The following KYAT1 variants were observed in gnomAD, a reference collection of about 807,000 sequenced individuals.
The protein encoded by KYAT1 is kynurenine--oxoglutarate transaminase 1.
Under a neutral mutation model 52.4 loss-of-function variants are expected in KYAT1, and 47 were observed. That is an observed-to-expected ratio of 0.90 (90% CI 0.71 to 1.14). KYAT1 has a LOEUF of 1.14. Among genes scored for constraint, KYAT1 ranks in the 50% most tolerant of loss-of-function variants. The pLI is 0.00. For synonymous variants in KYAT1, 212 were observed against 209.6 expected (o/e 1.01, Z -0.10); for missense variants, 480 against 557.9 (o/e 0.86, Z 1.41).
At position 128,846,073 on chromosome 9, in the gene KYAT1, C is replaced by T. The variant is rs143138283; in HGVS notation, c.-6-662G>A. On this transcript the variant is annotated intron_variant, in intron 1 of 12. Coordinates refer to ENST00000302586, the MANE Select transcript of KYAT1 (RefSeq NM_004059.5). ...AGGGTCCCGGGGTCCTGGCTCCTGG[C>T]TCGCCCCTCCCCTCCCGGTGTTCCT... Among the ~76,000 whole-genome samples, 3 of 152,326 alleles carry T rather than the reference C, an allele frequency of 2.0e-5. No homozygotes were observed. The East Asian group carries it at 5.8e-4, about 29-fold the overall frequency.
At chr9:128,860,170 T>C (rs911756038) in intron 1 of KYAT1, 1 of 152,116 alleles carries the variant, frequency 6.6e-6, no homozygotes, top group Admixed American at 6.6e-5. Flanking sequence ...TCTCCTCTTT[T>C]GTTTTTATTC....
chr9:128,868,567 C>T (rs546743071), intron 1 of KYAT1, among the ~76,000 whole-genome samples: 8 of 152,052 alleles, frequency 5.3e-5, no homozygotes, highest in East Asian at 3.9e-4. Flanking sequence ...GACAGGGTCT[C>T]GCTCTGTCAC....
chr9:128,837,730 GCGTGA>G lies in KYAT1; in HGVS notation c.517_521del (p.Ser173HisfsTer33). On this transcript the variant is annotated frameshift_variant, in exon 6 of 13. Transcript: ENST00000302586. LOFTEE classifies it high-confidence loss of function. ...GGGTGTTGAGGACCAGGGCTTTGGTGCGTGATGTGAATTTGCCGGCCAGCTCCATG... is the reference window on the plus strand; with the variant it reads ...GGGTGTTGAGGACCAGGGCTTTGGTGTGTGAATTTGCCGGCCAGCTCCATG... 1 of 1,614,130 alleles carries G rather than the reference GCGTGA, an allele frequency of 6.2e-7. No homozygotes were observed. Among genetic ancestry groups the G allele is most frequent in the South Asian group, 1.1e-5 (1 of 91,090 alleles).
In KYAT1 at chr9:128,838,470, G is replaced by A. The variant is rs916829507; in HGVS notation, c.202-103C>T. ...GCACCTTCCAGCAGCAGGCCTGGGGGCAAAGTCAGGTACTGGTAGCCTGGG... is the reference window on the plus strand; with the variant it reads ...GCACCTTCCAGCAGCAGGCCTGGGGACAAAGTCAGGTACTGGTAGCCTGGG... On this transcript the variant is annotated intron_variant, in intron 3 of 12. Coordinates refer to ENST00000302586, the MANE Select transcript of KYAT1 (RefSeq NM_004059.5). The A allele has an allele frequency of 2.0e-5, 28 of 1,369,792 alleles. No homozygotes were observed. The African/African-American group carries it at 3.6e-4, about 17-fold the overall frequency. 84.9% of individuals were successfully genotyped at this position (1,369,792 alleles called of 1,614,324 possible).
At chr9:128,846,056 G>A (rs1354634304) in intron 1 of KYAT1, among the ~76,000 whole-genome samples, 4 of 152,180 alleles carry the variant, frequency 2.6e-5, no homozygotes, top group Non-Finnish European at 5.9e-5. Context: ...GGAGGGTCCC[G>A]GGGTCCTGGC....
intron 1 of KYAT1, chr9:128,847,686 T>C (rs920098735): frequency 1.3e-5 from 7 of 523,252 alleles, no homozygotes; most frequent in Non-Finnish European, 2.0e-5. Flanking sequence ...AACAACAATA[T>C]GGTCATTGCG....
At chr9:128,877,026 G>A (rs890328301) in intron 1 of KYAT1, among the ~76,000 whole-genome samples, 2 of 152,044 alleles carry the variant, frequency 1.3e-5, no homozygotes, top group African/African-American at 4.8e-5. Context: ...AGCCTCCCGA[G>A]TAGCTGGGAT....
intron 2 of KYAT1, among the ~76,000 whole-genome samples, chr9:128,844,840 G>A (rs997534369): frequency 6.6e-6 from 1 of 152,166 alleles, no homozygotes; most frequent in Non-Finnish European, 1.5e-5. Flanking sequence ...CTCCAGCCTG[G>A]GCGACAAGGG....
chr9:128,873,505 C>A (rs1837535297), intron 1 of KYAT1, among the ~76,000 whole-genome samples: 1 of 152,058 alleles, frequency 6.6e-6, no homozygotes, highest in Non-Finnish European at 1.5e-5. Context: ...CGCGATGGCT[C>A]ACTCCTGTAA....
intron 2 of KYAT1, 41 bp from the exon 3 acceptor site, chr9:128,842,842 A>G (rs760985994): frequency 1.3e-6 from 2 of 1,593,086 alleles, no homozygotes; most frequent in East Asian, 2.3e-5. Context: ...CCAGCCCTCC[A>G]TGGTGACCTG....
intron 1 of KYAT1, among the ~76,000 whole-genome samples, chr9:128,853,726 C>T (rs1269047586): frequency 3.9e-5 from 6 of 152,306 alleles, no homozygotes; most frequent in Non-Finnish European, 5.9e-5. Context: ...AAACTTCGTG[C>T]CTTGACTCAT....
chr9:128,871,693 C>G (rs1288587894), intron 1 of KYAT1, among the ~76,000 whole-genome samples: 1 of 152,060 alleles, frequency 6.6e-6, no homozygotes, highest in East Asian at 1.9e-4. Context: ...GCCTGGGTGA[C>G]AGAGTGAGAT....
At chr9:128,879,959 G>A (rs1375525318) in intron 1 of KYAT1, among the ~76,000 whole-genome samples, 1 of 152,198 alleles carries the variant, frequency 6.6e-6, no homozygotes, top group Non-Finnish European at 1.5e-5. Flanking sequence ...GGAAGCTAAG[G>A]GAGAGGCCTG....
intron 1 of KYAT1, among the ~76,000 whole-genome samples, chr9:128,861,362 T>TC (rs1835441248): frequency 6.6e-6 from 1 of 152,132 alleles, no homozygotes; most frequent in African/African-American, 2.4e-5. Context: ...AAAGAGCTTT[T>TC]CCCCCTTTGC....
chr9:128,880,861 T>A (rs1838754425), intron 1 of KYAT1, among the ~76,000 whole-genome samples: 1 of 152,200 alleles, frequency 6.6e-6, no homozygotes, highest in African/African-American at 2.4e-5. Context: ...ACGTGATGGA[T>A]GGGAGCCACG....
chr9:128,865,334 TATA>T (rs1836131055), intron 1 of KYAT1, among the ~76,000 whole-genome samples: 1 of 2,458 alleles, frequency 4.1e-4, no homozygotes, highest in Non-Finnish European at 1.1e-3. Flanking sequence ...TATATATATA[TATA>T]TATATATATA....
chr9:128,839,219 C>T (rs1050710924), intron 3 of KYAT1, among the ~76,000 whole-genome samples: 10 of 152,014 alleles, frequency 6.6e-5, no homozygotes, highest in African/African-American at 2.4e-4. Flanking sequence ...CTGCTTTGGC[C>T]TCCCAAAGTG....
chr9:128,872,986 G>A (rs1837454768), intron 1 of KYAT1, among the ~76,000 whole-genome samples: 2 of 147,228 alleles, frequency 1.4e-5, no homozygotes, highest in Admixed American at 1.4e-4. Flanking sequence ...TGAGGCAGGA[G>A]AATTGCTTGA....
chr9:128,864,055 G>A (rs1327585197), intron 1 of KYAT1, among the ~76,000 whole-genome samples: 2 of 151,902 alleles, frequency 1.3e-5, no homozygotes, highest in East Asian at 3.9e-4. Flanking sequence ...AGCCCTACAC[G>A]TCCCACCACT....
Sources: allele counts gnomAD v4.1 joint callset (sites outside exome capture counted in the v4.1 genomes callset), GRCh38; gene constraint gnomAD v4.1.1; transcripts MANE v1.5; gene names NCBI Gene and HGNC (gene_info 2026-07-23, HGNC 2026-07-21).